Variants in NRG1 observed in about 807,000 individuals in gnomAD.
The protein encoded by NRG1 is neuregulin 1, also known as pro-neuregulin-1, membrane-bound isoform.
A neutral mutation model predicts 63.8 loss-of-function variants in NRG1; 18 were observed. The observed-to-expected ratio is 0.28, with a 90% CI of 0.19 to 0.42. The LOEUF (loss-of-function observed/expected upper bound fraction) is 0.42. NRG1 is among the 10% of genes least tolerant of loss of function. NRG1 has a pLI of 1.00. For missense variants in NRG1, 762 were observed against 814.7 expected (o/e 0.94, Z 0.79); for synonymous variants, 302 against 301.3 (o/e 1.00, Z -0.02).
intron 1 of NRG1, among the ~76,000 whole-genome samples, chr8:31,848,165 G>A (rs528112914): frequency 5.9e-5 from 9 of 152,270 alleles, no homozygotes; most frequent in Middle Eastern, 3.4e-3. Context: ...ATACCAGATA[G>A]TTCTTATCTA....
chr8:31,836,749 T>C (rs28492806), intron 1 of NRG1, among the ~76,000 whole-genome samples: 5,759 of 152,182 alleles, frequency 0.038, 404 homozygotes, highest in African/African-American at 0.13. Context: ...AGAGAATAAC[T>C]TTGGACACAT....
At chr8:32,404,355 C>T (rs147630069) in intron 1 of NRG1, among the ~76,000 whole-genome samples, 1 of 152,122 alleles carries the variant, frequency 6.6e-6, no homozygotes. Context: ...CTCTTCAATG[C>T]CTAGTGTCCT....
At position 32,330,081 on chromosome 8, in the gene NRG1, A is replaced by T. The variant is rs985376529; in HGVS notation, c.38-265747A>T. On this transcript the variant is annotated intron_variant, in intron 1 of 10. Coordinates refer to the NRG1 transcript ENST00000519301. ...AAAAAAAAAAAAAAAAAAAAAAAAA[A>T]GTGTGTAGGGAAGGGGTCTTGCTGT... is the stretch of plus-strand genomic sequence containing the variant. Among the ~76,000 whole-genome samples, 185 of 125,086 alleles carry T rather than the reference A, an allele frequency of 1.5e-3. 2 individuals carry two copies. The highest frequency in any genetic ancestry group is 5.3e-3 in the African/African-American group (174 of 32,792). The allele number at this position is 125,086 out of a possible 152,430, so 82.1% of individuals were successfully genotyped here.
At chr8:32,404,906 C>T (rs960502468) in intron 1 of NRG1, among the ~76,000 whole-genome samples, 2 of 152,102 alleles carry the variant, frequency 1.3e-5, no homozygotes, top group Admixed American at 1.3e-4. Context: ...CTTAAAACTT[C>T]TTCCATGTTC....
intron 1 of NRG1, among the ~76,000 whole-genome samples, chr8:32,370,857 CAAAAAAAAAAAAAA>C (rs570354347): frequency 9.6e-5 from 5 of 52,052 alleles, no homozygotes; most frequent in African/African-American, 2.6e-4. Context: ...GACTCTGTCT[CAAAAAAAAAAAAAA>C]AAAAAAAAAA....
intron 1 of NRG1, among the ~76,000 whole-genome samples, chr8:31,773,672 A>T (rs531356806): frequency 6.6e-6 from 1 of 152,332 alleles, no homozygotes; most frequent in East Asian, 1.9e-4. Context: ...GCATGCTTTT[A>T]CTTAGCTTCA....
At chr8:32,284,735 G>C (rs1436218296) in intron 1 of NRG1, among the ~76,000 whole-genome samples, 1 of 152,064 alleles carries the variant, frequency 6.6e-6, no homozygotes, top group Admixed American at 6.6e-5. Context: ...TGTTTGTAGA[G>C]ACAAAGTTTC....
chr8:32,079,775 A>G (rs1188781954), intron 1 of NRG1, among the ~76,000 whole-genome samples: 6 of 152,152 alleles, frequency 3.9e-5, no homozygotes, highest in African/African-American at 1.2e-4. Context: ...GTTTCTTCCC[A>G]CACAAGACAA....
intron 1 of NRG1, among the ~76,000 whole-genome samples, chr8:32,433,530 A>G (rs938394227): frequency 6.6e-6 from 1 of 152,164 alleles, no homozygotes; most frequent in Non-Finnish European, 1.5e-5. Flanking sequence ...TCTTTAAGCA[A>G]TGTAACCTCC....
intron 1 of NRG1, among the ~76,000 whole-genome samples, chr8:32,338,827 T>A (rs894451594): frequency 1.3e-5 from 2 of 152,172 alleles, no homozygotes; most frequent in Non-Finnish European, 2.9e-5. Context: ...CCGGAGAATG[T>A]TCCTATTTAA....
At chr8:32,345,636 A>G (rs1469645940) in intron 1 of NRG1, among the ~76,000 whole-genome samples, 1 of 152,162 alleles carries the variant, frequency 6.6e-6, no homozygotes, top group Non-Finnish European at 1.5e-5. Context: ...TTACATTTGA[A>G]GTAGGATTAA....
chr8:32,639,385 G>A (rs1432296825), intron 5 of NRG1, among the ~76,000 whole-genome samples: 3 of 152,084 alleles, frequency 2.0e-5, no homozygotes, highest in Non-Finnish European at 4.4e-5. Context: ...CAGCCTAAGC[G>A]ACAGAGCAAG....
intron 1 of NRG1, among the ~76,000 whole-genome samples, chr8:32,026,953 T>C (rs1817475015): frequency 6.6e-6 from 1 of 152,174 alleles, no homozygotes. Context: ...CATTTCTCTG[T>C]ATCAGTAACT....
intron 1 of NRG1, among the ~76,000 whole-genome samples, chr8:31,840,774 C>G (rs1683507757): frequency 1.3e-5 from 2 of 152,102 alleles, no homozygotes; most frequent in Admixed American, 1.3e-4. Context: ...ATATGTAGAG[C>G]AACTGCATGT....
chr8:32,504,519 C>T lies in NRG1; in HGVS notation c.38-91309C>T, dbSNP rs1180793828. 3.3e-5 allele frequency among the ~76,000 whole-genome samples: 5 copies of T among 152,118 alleles called. No individual in the cohort carries two copies. In the South Asian group the frequency reaches 6.2e-4, roughly 19 times the overall value. On this transcript the variant is annotated intron_variant, in intron 1 of 10. Transcript: ENST00000519301. ...TCATTTATTAATTTGGTAATACCAT[C>T]ATGAAGTGAGGAAATGTCACATAGG... is the stretch of plus-strand genomic sequence containing the variant.
At chr8:32,533,231 A>T (rs934932390) in intron 1 of NRG1, among the ~76,000 whole-genome samples, 1 of 152,076 alleles carries the variant, frequency 6.6e-6, no homozygotes, top group East Asian at 1.9e-4. Flanking sequence ...CAACAACAAC[A>T]TCACTAGAAA....
chr8:32,500,389 C>A (rs10954852), intron 1 of NRG1, among the ~76,000 whole-genome samples: 24,598 of 152,174 alleles, frequency 0.16, 2,345 homozygotes, highest in Admixed American at 0.3. Context: ...CTTCCTTACC[C>A]ACCTGTAAGG....
intron 1 of NRG1, among the ~76,000 whole-genome samples, chr8:31,836,520 GT>G (rs1438846349): frequency 6.6e-6 from 1 of 151,242 alleles, no homozygotes; most frequent in African/African-American, 2.4e-5. Flanking sequence ...ACTGTGTATT[GT>G]TCTCTCATCT....
Position 32,743,148 on chromosome 8 carries a change from C to T in NRG1, c.691+415C>T, listed in dbSNP as rs547470762. On this transcript the variant is annotated intron_variant, in intron 7 of 11. Transcript: ENST00000356819. ...GAAAAGGGTGTTGCTAAGCTGTAAC[C>T]GATATGCACTTGAAATGATGGTAAG... 1.2e-5 allele frequency: 12 copies of T among 990,744 alleles called. No individual in the cohort carries two copies. The South Asian group carries it at 1.4e-4, about 12-fold the overall frequency. The allele number at this position is 990,744 out of a possible 1,614,324, so 61.4% of individuals were successfully genotyped here.
Sources: gnomAD v4.1 joint callset for allele counts (sites outside exome capture counted in the v4.1 genomes callset) on GRCh38, gnomAD v4.1.1 for gene constraint, MANE v1.5 for transcripts, NCBI Gene and HGNC (gene_info 2026-07-23, HGNC 2026-07-21) for gene names.